GPC5: variants seen among roughly 807,000 people sequenced by gnomAD.
GPC5 encodes glypican 5.
A neutral mutation model predicts 53.9 loss-of-function variants in GPC5; 47 were observed. That is an observed-to-expected ratio of 0.87 (90% CI 0.69 to 1.11). The LOEUF (loss-of-function observed/expected upper bound fraction) is 1.11. Ranked by LOEUF, GPC5 falls within the 50% of genes most tolerant of loss-of-function variation. The pLI is 0.00. For synonymous variants in GPC5, 286 were observed against 263.3 expected (o/e 1.09, Z -0.84); for missense variants, 748 against 713.1 (o/e 1.05, Z -0.56).
chr13:92,739,220 A>G (rs1889022672), intron 7 of GPC5, among the ~76,000 whole-genome samples: 1 of 152,116 alleles, frequency 6.6e-6, no homozygotes, highest in African/African-American at 2.4e-5. Flanking sequence ...AAGATATTTC[A>G]GAGTATTCAT....
At chr13:91,739,308 G>T (rs1381911012) in intron 4 of GPC5, among the ~76,000 whole-genome samples, 1 of 151,278 alleles carries the variant, frequency 6.6e-6, no homozygotes, top group Non-Finnish European at 1.5e-5. Flanking sequence ...CCTCCTGGCT[G>T]CTGTGTTCCA....
intron 6 of GPC5, among the ~76,000 whole-genome samples, chr13:91,917,797 C>T (rs1245524967): frequency 6.6e-6 from 1 of 152,164 alleles, no homozygotes; most frequent in Non-Finnish European, 1.5e-5. Context: ...CTTCATTGTC[C>T]ATATCACTAT....
chr13:92,712,250 A>C (rs1283077847), intron 7 of GPC5, among the ~76,000 whole-genome samples: 1 of 152,016 alleles, frequency 6.6e-6, no homozygotes, highest in African/African-American at 2.4e-5. Flanking sequence ...ATAATAAAGG[A>C]ATACAAGGAA....
intron 1 of GPC5, among the ~76,000 whole-genome samples, chr13:91,442,523 A>G (rs1050999888): frequency 2.6e-5 from 4 of 152,218 alleles, no homozygotes; most frequent in Non-Finnish European, 5.9e-5. Context: ...CTTGTAACAT[A>G]CCAGGTCTCC....
Position 92,178,452 on chromosome 13 carries a change from C to G in GPC5, c.1561+33463C>G, listed in dbSNP as rs975096205. Reference sequence around the variant, plus strand: ...TATATATAACATATATACATATATACCAGCAGTATAGTAATTTCTGATATA... The same window carrying G: ...TATATATAACATATATACATATATAGCAGCAGTATAGTAATTTCTGATATA... On this transcript the variant is annotated intron_variant, in intron 7 of 7. Transcript: ENST00000377067. 5.3e-5 allele frequency among the ~76,000 whole-genome samples: 8 copies of G among 149,674 alleles called. No individual in the cohort carries two copies. The East Asian group carries it at 1.4e-3, about 26-fold the overall frequency.
chr13:91,733,550 T>G (rs982443930), intron 4 of GPC5, among the ~76,000 whole-genome samples: 2 of 152,202 alleles, frequency 1.3e-5, no homozygotes, highest in African/African-American at 4.8e-5. Flanking sequence ...TCACATCCCT[T>G]GTTAGCTGTA....
At chr13:92,557,673 T>A (rs924294843) in intron 7 of GPC5, among the ~76,000 whole-genome samples, 12 of 151,998 alleles carry the variant, frequency 7.9e-5, no homozygotes, top group African/African-American at 2.7e-4. Flanking sequence ...CAGAGACAAG[T>A]ACCATATAAG....
intron 7 of GPC5, among the ~76,000 whole-genome samples, chr13:92,233,478 GAGA>G (rs1450768854): frequency 6.6e-6 from 1 of 152,146 alleles, no homozygotes; most frequent in African/African-American, 2.4e-5. Context: ...AGCTGTTGGG[GAGA>G]AGAATATATT....
chr13:92,729,234 A>G (rs1888733328), intron 7 of GPC5, among the ~76,000 whole-genome samples: 1 of 151,338 alleles, frequency 6.6e-6, no homozygotes, highest in African/African-American at 2.4e-5. Context: ...ATGTAAGGGC[A>G]TGTTCAACCA....
chr13:92,132,635 A>T (rs1409023506), intron 6 of GPC5, among the ~76,000 whole-genome samples: 1 of 151,890 alleles, frequency 6.6e-6, no homozygotes, highest in Non-Finnish European at 1.5e-5. Flanking sequence ...CTCTGTGTTC[A>T]ATTTTCCCCT....
At chr13:91,680,544 G>A (rs1211218508) in intron 2 of GPC5, among the ~76,000 whole-genome samples, 3 of 152,194 alleles carry the variant, frequency 2.0e-5, no homozygotes, top group Admixed American at 1.3e-4. Flanking sequence ...GGATTACAAT[G>A]TCTTGAATGG....
At chr13:92,844,568 C>T (rs1333623212) in intron 7 of GPC5, among the ~76,000 whole-genome samples, 4 of 151,376 alleles carry the variant, frequency 2.6e-5, no homozygotes, top group African/African-American at 9.7e-5. Context: ...ATACGTGTGT[C>T]CCTGCTTTTG....
intron 6 of GPC5, among the ~76,000 whole-genome samples, chr13:92,035,333 G>A (rs1392912670): frequency 1.3e-5 from 2 of 151,966 alleles, no homozygotes; most frequent in African/African-American, 4.8e-5. Context: ...TCCTCTCCCT[G>A]GCAGTGTCAG....
At chr13:91,450,608 A>G (rs909950860) in intron 2 of GPC5, among the ~76,000 whole-genome samples, 2 of 152,212 alleles carry the variant, frequency 1.3e-5, no homozygotes, top group Middle Eastern at 3.2e-3. Context: ...TAACCATCTC[A>G]GTAGTAGAAA....
intron 7 of GPC5, among the ~76,000 whole-genome samples, chr13:92,440,314 C>A (rs938892122): frequency 6.6e-6 from 1 of 151,998 alleles, no homozygotes; most frequent in Non-Finnish European, 1.5e-5. Context: ...CTATAAGGGC[C>A]CAATGTTTAG....
intron 6 of GPC5, among the ~76,000 whole-genome samples, chr13:92,087,061 T>C (rs563412362): frequency 5.3e-5 from 8 of 152,336 alleles, no homozygotes; most frequent in Non-Finnish European, 1.0e-4. Context: ...TATGTTTAGA[T>C]AAATGCAACT....
chr13:91,519,176 T>C (rs1885668796), intron 2 of GPC5, among the ~76,000 whole-genome samples: 1 of 152,224 alleles, frequency 6.6e-6, no homozygotes, highest in South Asian at 2.1e-4. Flanking sequence ...GTACAGTGTC[T>C]TGGGATAGAT....
chr13:91,568,078 T>A (rs2031616071), intron 2 of GPC5, among the ~76,000 whole-genome samples: 1 of 152,202 alleles, frequency 6.6e-6, no homozygotes, highest in South Asian at 2.1e-4. Context: ...TGCTTCCTCT[T>A]CTGCCATGAT....
At chr13:91,615,120 G>A (rs114351604) in intron 2 of GPC5, among the ~76,000 whole-genome samples, 5,615 of 152,202 alleles carry the variant, frequency 0.037, 115 homozygotes, top group Middle Eastern at 0.058. Flanking sequence ...ACAATGATGG[G>A]TTTTGTTCTC....
Sources: allele counts gnomAD v4.1 joint callset (sites outside exome capture counted in the v4.1 genomes callset), GRCh38; gene constraint gnomAD v4.1.1; transcripts MANE v1.5; gene names NCBI Gene and HGNC (gene_info 2026-07-23, HGNC 2026-07-21).